The following CCBE1 variants were observed in gnomAD, a reference collection of about 807,000 sequenced individuals.
CCBE1 encodes collagen and calcium-binding EGF domain-containing protein 1.
In CCBE1, 37 loss-of-function variants were observed where a neutral mutation model predicts 50.0. The ratio of observed to expected loss-of-function variants is 0.74; its 90% confidence interval spans 0.57 to 0.97. CCBE1 has a LOEUF of 0.97. Among genes scored for constraint, CCBE1 ranks in the 50% least tolerant of loss-of-function variants. The pLI is 0.00. For synonymous variants in CCBE1, 234 were observed against 203.7 expected, an observed-to-expected ratio of 1.15 and a Z score of -1.27; for missense variants, 538 against 523.8, an observed-to-expected ratio of 1.03 and a Z score of -0.26.
At chr18:59,440,721 G>A (rs1002671060) in intron 7 of CCBE1, among the ~76,000 whole-genome samples, 1 of 152,140 alleles carries the variant, frequency 6.6e-6, no homozygotes, top group Non-Finnish European at 1.5e-5. Context: ...AAGGCATGCT[G>A]GGGGATGAGT....
intron 2 of CCBE1, among the ~76,000 whole-genome samples, chr18:59,653,167 G>A (rs867007315): frequency 6.6e-6 from 1 of 152,066 alleles, no homozygotes; most frequent in Non-Finnish European, 1.5e-5. Context: ...TCTGATCTCT[G>A]GCCCTCTCCT....
At chr18:59,688,177 A>C (rs948459395) in intron 2 of CCBE1, 3 of 152,156 alleles carry the variant, frequency 2.0e-5, no homozygotes, top group African/African-American at 7.2e-5. Flanking sequence ...TACTAATTCA[A>C]AACTAACATT....
intron 2 of CCBE1, among the ~76,000 whole-genome samples, chr18:59,495,846 C>A (rs1349333740): frequency 6.6e-6 from 1 of 152,142 alleles, no homozygotes; most frequent in Non-Finnish European, 1.5e-5. Context: ...GTGGTAATGA[C>A]CTCTGGACAA....
chr18:59,547,739 GCAAA>G (rs1915762356), intron 2 of CCBE1, among the ~76,000 whole-genome samples: 1 of 152,180 alleles, frequency 6.6e-6, no homozygotes, highest in African/African-American at 2.4e-5. Context: ...GGAAATGTAT[GCAAA>G]CAGTGAGACC....
chr18:59,509,683 C>T (rs577524456), intron 2 of CCBE1, among the ~76,000 whole-genome samples: 3 of 152,232 alleles, frequency 2.0e-5, no homozygotes, highest in East Asian at 1.9e-4. Context: ...CTTCAGTGCC[C>T]GGTGGAAACA....
chr18:59,553,817 C>G (rs1338385544), intron 2 of CCBE1, among the ~76,000 whole-genome samples: 2 of 152,278 alleles, frequency 1.3e-5, no homozygotes, highest in Admixed American at 1.3e-4. Flanking sequence ...CTATGGCGAC[C>G]CGGAGGCCAG....
chr18:59,541,322 C>T (rs1915456774), intron 2 of CCBE1, among the ~76,000 whole-genome samples: 1 of 152,214 alleles, frequency 6.6e-6, no homozygotes, highest in South Asian at 2.1e-4. Context: ...AAAACAAGGA[C>T]AAACAGGAGA....
intron 2 of CCBE1, among the ~76,000 whole-genome samples, chr18:59,523,428 C>G (rs558613492): frequency 6.6e-6 from 1 of 151,228 alleles, no homozygotes; most frequent in Non-Finnish European, 1.5e-5. Context: ...GATGTTTAAT[C>G]TTTCTGTATC....
At chr18:59,465,592 C>T (rs1911702915) in intron 5 of CCBE1, 1 of 152,190 alleles carries the variant, frequency 6.6e-6, no homozygotes, top group Admixed American at 6.5e-5. Context: ...TGAACCACTA[C>T]AAAAATAAGA....
In CCBE1 at chr18:59,494,218, T is replaced by G. The variant is rs943077528; in HGVS notation, c.213-13980A>C. ...GAAATACATAGGTTGGAGTTGCCTC[T>G]GCCCTAGAAAGATATACATAAGGGG... On this transcript the variant is annotated intron_variant, in intron 2 of 10. Transcript: ENST00000439986. Among the ~76,000 whole-genome samples, 3 of 152,200 alleles carry G rather than the reference T, an allele frequency of 2.0e-5. No individual in the cohort carries two copies. The South Asian group carries it at 6.2e-4, about 32-fold the overall frequency.
chr18:59,500,910 C>T (rs1336538996), intron 2 of CCBE1, among the ~76,000 whole-genome samples: 2 of 152,182 alleles, frequency 1.3e-5, no homozygotes, highest in African/African-American at 4.8e-5. Flanking sequence ...AGCTGAGTCA[C>T]AGGCAAGAAA....
At chr18:59,515,171 T>C (rs1284938736) in intron 2 of CCBE1, among the ~76,000 whole-genome samples, 1 of 152,094 alleles carries the variant, frequency 6.6e-6, no homozygotes, top group Non-Finnish European at 1.5e-5. Context: ...GAGTAGAAAA[T>C]GTACACGGTT....
chr18:59,580,148 G>T (rs992161962), intron 2 of CCBE1, among the ~76,000 whole-genome samples: 4 of 152,136 alleles, frequency 2.6e-5, no homozygotes, highest in Admixed American at 2.0e-4. Context: ...ATTTAAGCTG[G>T]GAACTGCTTA....
intron 2 of CCBE1, among the ~76,000 whole-genome samples, chr18:59,502,742 A>C (rs1913683514): frequency 1.3e-5 from 2 of 152,168 alleles, no homozygotes; most frequent in Non-Finnish European, 2.9e-5. Flanking sequence ...CCATTGCAGA[A>C]AGGCAAAGCA....
chr18:59,478,617 G>T (rs1191349136), intron 3 of CCBE1, among the ~76,000 whole-genome samples: 3 of 152,128 alleles, frequency 2.0e-5, no homozygotes, highest in African/African-American at 4.8e-5. Context: ...TACTTTTAAG[G>T]CCTAGATGTT....
At chr18:59,597,047 T>C (rs535299589) in intron 2 of CCBE1, among the ~76,000 whole-genome samples, 1 of 152,222 alleles carries the variant, frequency 6.6e-6, no homozygotes, top group African/African-American at 2.4e-5. Flanking sequence ...AGCTTCCACA[T>C]GCATTTAATC....
intron 2 of CCBE1, among the ~76,000 whole-genome samples, chr18:59,626,809 T>G (rs1187737681): frequency 2.6e-5 from 4 of 152,256 alleles, no homozygotes; most frequent in African/African-American, 9.6e-5. Flanking sequence ...AAGAACAGTG[T>G]TCCCATTCTG....
intron 2 of CCBE1, among the ~76,000 whole-genome samples, chr18:59,680,521 A>G (rs2054573623): frequency 6.6e-6 from 1 of 151,494 alleles, no homozygotes; most frequent in Admixed American, 6.6e-5. Flanking sequence ...ACATGGTGAA[A>G]CCCTGTCTCT....
rs1909929510 is a variant in CCBE1 at position 59,430,998 on chromosome 18, C to G, written c.*4910G>C. 6.6e-6 allele frequency: 1 copy of G among 152,198 alleles called. No individual in the cohort carries two copies. Among genetic ancestry groups the G allele is most frequent in the Non-Finnish European group, 1.5e-5 (1 of 68,036 alleles). The allele number at this position is 152,198 out of a possible 1,614,324, so 9.4% of individuals were successfully genotyped here. On this transcript the variant is annotated 3_prime_UTR_variant, in exon 11 of 11. Transcript: ENST00000439986. ...TCATAACAAAAGTACATCATAGTAT[C>G]ACATCCATAATTGCTTGAATGCTAA...
Sources: gnomAD v4.1 joint callset for allele counts (sites outside exome capture counted in the v4.1 genomes callset) on GRCh38, gnomAD v4.1.1 for gene constraint, MANE v1.5 for transcripts, NCBI Gene and HGNC (gene_info 2026-07-23, HGNC 2026-07-21) for gene names.